Variants in GRIN2B observed in about 807,000 individuals in gnomAD.
GRIN2B encodes glutamate ionotropic receptor NMDA type subunit 2B, also known as glutamate receptor ionotropic, NMDA 2B.
Under a neutral mutation model 114.5 loss-of-function variants are expected in GRIN2B, and 5 were observed. The observed-to-expected ratio is 0.04, with a 90% CI of 0.02 to 0.09. The LOEUF (loss-of-function observed/expected upper bound fraction) is 0.09. GRIN2B is among the 10% of genes least tolerant of loss of function. The pLI is 1.00. For missense variants in GRIN2B, 1,108 were observed against 1,943.5 expected (o/e 0.57, Z 8.08); for synonymous variants, 787 against 745.1 (o/e 1.06, Z -0.92).
In GRIN2B at chr12:13,623,286, C is replaced by G. The variant is rs181361650; in HGVS notation, c.1126-6629G>C. Among the ~76,000 whole-genome samples, 302 of 152,256 alleles carry G rather than the reference C, an allele frequency of 2.0e-3. 1 individual carries two copies. Among genetic ancestry groups the G allele is most frequent in the African/African-American group, 7.0e-3 (289 of 41,552 alleles). On this transcript the variant is annotated intron_variant, in intron 5 of 13. Coordinates refer to ENST00000609686, the MANE Select transcript of GRIN2B (RefSeq NM_000834.5). Reference sequence around the variant, plus strand: ...AAAAAATTAACCAGAAGACATAATACATATCTTGGTATTTCTAAGGCATCA... The same window carrying G: ...AAAAAATTAACCAGAAGACATAATAGATATCTTGGTATTTCTAAGGCATCA...
chr12:13,672,190 A>C (rs781122423), intron 5 of GRIN2B, among the ~76,000 whole-genome samples: 7 of 152,174 alleles, frequency 4.6e-5, no homozygotes, highest in Non-Finnish European at 1.0e-4. Flanking sequence ...AAAGGACCCA[A>C]GAAGTCTTCT....
intron 8 of GRIN2B, among the ~76,000 whole-genome samples, chr12:13,614,629 T>G (rs1466252789): frequency 6.6e-6 from 1 of 152,196 alleles, no homozygotes; most frequent in Non-Finnish European, 1.5e-5. Flanking sequence ...TCAGAAAATT[T>G]GCGTGGAAAC....
At chr12:13,909,245 T>A (rs909470685) in intron 2 of GRIN2B, among the ~76,000 whole-genome samples, 3 of 152,228 alleles carry the variant, frequency 2.0e-5, no homozygotes, top group African/African-American at 4.8e-5. Context: ...GAAGATCATA[T>A]GCTAAGCCAG....
At chr12:13,614,646 T>C (rs1356475323) in intron 8 of GRIN2B, among the ~76,000 whole-genome samples, 1 of 152,156 alleles carries the variant, frequency 6.6e-6, no homozygotes, top group African/African-American at 2.4e-5. Context: ...AAACAAAAAA[T>C]CTTTTTTGGT....
At chr12:13,773,180 G>A (rs1280559455) in intron 3 of GRIN2B, among the ~76,000 whole-genome samples, 1 of 152,178 alleles carries the variant, frequency 6.6e-6, no homozygotes, top group Non-Finnish European at 1.5e-5. Flanking sequence ...CAGCAATAAA[G>A]GAACTGCGAG....
rs1591665443 is a variant in GRIN2B, at chr12:13,665,160, TG to T, written c.1125+10584del. Among the ~76,000 whole-genome samples, 11 of 23,694 alleles carry T rather than the reference TG, an allele frequency of 4.6e-4. No homozygotes were observed. In the East Asian group the frequency reaches 0.02, roughly 43 times the overall value. 15.5% of individuals were successfully genotyped at this position (23,694 alleles called of 152,430 possible). ...GTGTGTGTGTGTTTGTGTGTGTGTG[TG>T]TGTGTTTGTGTGTGTGTGTGTGTGT... On this transcript the variant is annotated intron_variant, in intron 5 of 13. Transcript: ENST00000609686.
intron 2 of GRIN2B, among the ~76,000 whole-genome samples, chr12:13,895,759 A>C (rs1866342204): frequency 6.6e-6 from 1 of 152,198 alleles, no homozygotes; most frequent in African/African-American, 2.4e-5. Context: ...CTTATTATCT[A>C]GGACTTTAGA....
At chr12:13,778,539 T>C (rs1048161975) in intron 3 of GRIN2B, among the ~76,000 whole-genome samples, 1 of 152,134 alleles carries the variant, frequency 6.6e-6, no homozygotes, top group Non-Finnish European at 1.5e-5. Flanking sequence ...CAAGAAAGTC[T>C]GGGGGAATAA....
intron 2 of GRIN2B, among the ~76,000 whole-genome samples, chr12:13,873,719 T>C (rs964388147): frequency 1.8e-4 from 27 of 152,048 alleles, no homozygotes; most frequent in African/African-American, 5.8e-4. Context: ...GAAAGAAATA[T>C]CTCCCTGGAC....
intron 4 of GRIN2B, among the ~76,000 whole-genome samples, chr12:13,685,703 C>T (rs1296382645): frequency 3.9e-5 from 6 of 152,102 alleles, no homozygotes; most frequent in South Asian, 4.1e-4. Context: ...CAGTCATAAA[C>T]CACACCTACC....
rs201738506 is a variant in GRIN2B at position 13,626,519 on chromosome 12, ACT to A, written c.1126-9864_1126-9863del. ...TAATGTTGGACAATTCTGAACTGTG[ACT>A]CTCTGGATTTGAGCACTGACTTGGC... On this transcript the variant is annotated intron_variant, in intron 5 of 13. Transcript: ENST00000609686. Among the ~76,000 whole-genome samples, 793 of 151,864 alleles carry A rather than the reference ACT, an allele frequency of 5.2e-3. 6 individuals carry two copies. The highest frequency in any genetic ancestry group is 0.018 in the African/African-American group (758 of 41,394).
Position 13,564,538 on chromosome 12 carries a change from G to T in GRIN2B, c.2700C>A (p.Arg900=), listed in dbSNP as rs531269037. The T allele has an allele frequency of 8.1e-6, 13 of 1,614,156 alleles. No individual in the cohort carries two copies. In the East Asian group the frequency reaches 2.0e-4, roughly 25 times the overall value. ...TMNNTHSNIL[R]LLRTAKNMAN... The stretch of plus-strand genomic sequence containing the variant: ...CCATGTTCTTGGCCGTGCGCAGCAG[G>T]CGCAGGATGTTGGAGTGTGTGTTGT... The change falls in exon 14 of 14, where the codon CGC becomes CGA. Residue 900 remains arginine (R), a synonymous_variant. Coordinates refer to ENST00000609686, the MANE Select transcript of GRIN2B (RefSeq NM_000834.5). This position sits in a 1 kb window ranked among gnomAD's most constrained non-coding sequence, Gnocchi z 4.8.
chr12:13,571,037 A>G (rs1201395440), intron 11 of GRIN2B, among the ~76,000 whole-genome samples: 1 of 152,194 alleles, frequency 6.6e-6, no homozygotes, highest in Non-Finnish European at 1.5e-5. Context: ...TGGTGATAAA[A>G]TAGAATCTAA....
At chr12:13,724,636 C>T (rs1258578168) in intron 4 of GRIN2B, among the ~76,000 whole-genome samples, 1 of 152,042 alleles carries the variant, frequency 6.6e-6, no homozygotes, top group Non-Finnish European at 1.5e-5. Context: ...CTGACTCTGT[C>T]CTAAGATGCA....
chr12:13,569,466 G>T (rs1234471077), intron 12 of GRIN2B, among the ~76,000 whole-genome samples: 3 of 152,270 alleles, frequency 2.0e-5, no homozygotes, highest in Middle Eastern at 3.4e-3. Context: ...GAGGTCAGGG[G>T]TATGCTTCTA....
In GRIN2B at chr12:13,630,528, C is replaced by G. The variant is rs139577805; in HGVS notation, c.1126-13871G>C. Among the ~76,000 whole-genome samples the G allele has an allele frequency of 5.7e-3, 864 of 152,162 alleles. 7 individuals carry two copies. The highest frequency in any genetic ancestry group is 0.02 in the African/African-American group (823 of 41,504). On this transcript the variant is annotated intron_variant, in intron 5 of 13. Coordinates refer to ENST00000609686, the MANE Select transcript of GRIN2B (RefSeq NM_000834.5). ...CGATAGTCAGTGGGTCTTGTCTTGT[C>G]CTCTTGGAATGTTGCTGACAATGCT...
At chr12:13,670,506 A>G (rs551111396) in intron 5 of GRIN2B, among the ~76,000 whole-genome samples, 58 of 152,282 alleles carry the variant, frequency 3.8e-4, no homozygotes, top group African/African-American at 1.3e-3. Flanking sequence ...CATTTTTATT[A>G]TCACCATTTT....
rs1001831752 is a variant in GRIN2B at position 13,551,293 on chromosome 12, C to G, written c.*11490G>C. On this transcript the variant is annotated 3_prime_UTR_variant, in exon 14 of 14. Transcript: ENST00000609686. Reference sequence around the variant, plus strand: ...CCAAGAAGAGATGTGGGCACATGTGCGAATATGTATGTATCTAAGCAACAG... The same window carrying G: ...CCAAGAAGAGATGTGGGCACATGTGGGAATATGTATGTATCTAAGCAACAG... 6.6e-6 allele frequency: 1 copy of G among 151,992 alleles called. No individual in the cohort carries two copies. The highest frequency in any genetic ancestry group is 2.4e-5 in the African/African-American group (1 of 41,360). 9.4% of individuals were successfully genotyped at this position (151,992 alleles called of 1,614,324 possible).
chr12:13,802,663 T>C (rs1038749611), intron 3 of GRIN2B, among the ~76,000 whole-genome samples: 2 of 152,156 alleles, frequency 1.3e-5, no homozygotes, highest in Non-Finnish European at 2.9e-5. Context: ...TAATCATATA[T>C]GAATACAAAT....
Sources: gnomAD v4.1 joint callset for allele counts (sites outside exome capture counted in the v4.1 genomes callset) on GRCh38, gnomAD v4.1.1 for gene constraint, Gnocchi (gnomAD v3.1) non-coding constraint, MANE v1.5 for transcripts, NCBI Gene and HGNC (gene_info 2026-07-23, HGNC 2026-07-21) for gene names.